ECSCR: variants seen among roughly 807,000 people sequenced by gnomAD.
ECSCR encodes endothelial cell-specific chemotaxis regulator.
ECSCR carries 12 observed loss-of-function variants against 16.7 expected under a neutral mutation model. The observed-to-expected ratio is 0.72, with a 90% CI of 0.46 to 1.17. ECSCR has a LOEUF of 1.17. ECSCR is among the 50% of genes most tolerant of loss of function. The pLI, the probability that ECSCR is intolerant of heterozygous loss-of-function variation, is 0.00. For synonymous variants in ECSCR, 44 were observed against 42.2 expected, an observed-to-expected ratio of 1.04 and a Z score of -0.17; for missense variants, 122 against 116.1, an observed-to-expected ratio of 1.05 and a Z score of -0.23.
intron 8 of ECSCR, among the ~76,000 whole-genome samples, chr5:139,450,871 G>T (rs757403801): frequency 1.3e-5 from 2 of 152,094 alleles, no homozygotes; most frequent in Non-Finnish European, 2.9e-5. Flanking sequence ...CACATAAGAA[G>T]TATTCAATAA....
At chr5:139,460,391 A>C (rs541631061) in intron 1 of ECSCR, among the ~76,000 whole-genome samples, 7 of 152,250 alleles carry the variant, frequency 4.6e-5, no homozygotes, top group African/African-American at 1.7e-4. Flanking sequence ...TCGCCTCAGC[A>C]TCCTAAATGC....
At position 139,448,852 on chromosome 5, in the gene ECSCR, A is replaced by G. The variant is rs577796535; in HGVS notation, c.*48T>C. ...ATTCCATCTCTTCCTCCTTGTAGTC[A>G]CAGGGCAGCTGCATCATCCTTGGAC... On this transcript the variant is annotated 3_prime_UTR_variant, in exon 10 of 10. Coordinates refer to ENST00000618155, the MANE Select transcript of ECSCR (RefSeq NM_001077693.4). 1 of 1,535,376 alleles carries G rather than the reference A, an allele frequency of 6.5e-7. No homozygotes were observed. The highest frequency in any genetic ancestry group is 8.7e-7 in the Non-Finnish European group (1 of 1,146,428).
Position 139,454,910 on chromosome 5 carries a change from G to A in ECSCR, c.390C>T (p.Phe130=). The change falls in exon 7 of 10, where the codon TTC becomes TTT. Residue 130 remains phenylalanine, a synonymous_variant. Transcript: ENST00000618155. ...LTVAAFGVIS[F]IVILVVVVII... ...TCACCACAACCACCAGGATGACAAT[G>A]AAGCTGATAACACCTGAACAGAGAA... The A allele has an allele frequency of 2.5e-6, 1 of 398,732 alleles. No homozygotes were observed. The highest frequency in any genetic ancestry group is 3.6e-5 in the East Asian group (1 of 28,074). 24.7% of individuals were successfully genotyped at this position (398,732 alleles called of 1,614,324 possible).
rs1751201977 is a variant in ECSCR at position 139,458,147 on chromosome 5, C to CT, written c.97dup (p.Ser33LysfsTer29). 2.6e-6 allele frequency: 4 copies of CT among 1,549,698 alleles called. No homozygotes were observed. The East Asian group carries it at 9.8e-5, about 38-fold the overall frequency. On this transcript the variant is annotated frameshift_variant, in exon 2 of 10. Transcript: ENST00000618155. ...CATGTGTTTGGTCTTACCCTGAGAG[C>CT]TAGAGGTCTGGGTCATTGTGGGCTG... is the stretch of plus-strand genomic sequence containing the variant.
In ECSCR at chr5:139,448,763, C is replaced by T; in HGVS notation, c.*137G>A. The T allele has an allele frequency of 6.8e-7, 1 of 1,477,180 alleles. No individual in the cohort carries two copies. The highest frequency in any genetic ancestry group is 8.9e-7 in the Non-Finnish European group (1 of 1,118,966). 91.5% of individuals were successfully genotyped at this position (1,477,180 alleles called of 1,614,324 possible). Reference sequence around the variant, plus strand: ...CCAGATCTGGGGCAATGCTAGTGTCCTTTAGATCTAGAAGCAGACATGAAA... The same window carrying T: ...CCAGATCTGGGGCAATGCTAGTGTCTTTTAGATCTAGAAGCAGACATGAAA... On this transcript the variant is annotated 3_prime_UTR_variant, in exon 10 of 10. Coordinates refer to ENST00000618155, the MANE Select transcript of ECSCR (RefSeq NM_001077693.4).
intron 8 of ECSCR, among the ~76,000 whole-genome samples, chr5:139,451,146 TTGTG>T (rs1025122396): frequency 2.0e-5 from 3 of 146,984 alleles, no homozygotes; most frequent in African/African-American, 5.0e-5. Flanking sequence ...GTGTGAGGTG[TTGTG>T]TGTGTGTGTG....
chr5:139,448,808 T>G lies in ECSCR; in HGVS notation c.*92A>C. ...ATGAAACAATAAAATAATTTACATG[T>G]GGTTCATTGCCTCTACTAATTCCAT... is the stretch of plus-strand genomic sequence containing the variant. On this transcript the variant is annotated 3_prime_UTR_variant, in exon 10 of 10. Coordinates refer to ENST00000618155, the MANE Select transcript of ECSCR (RefSeq NM_001077693.4). 6.6e-7 allele frequency: 1 copy of G among 1,517,940 alleles called. No homozygotes were observed. The highest frequency in any genetic ancestry group is 8.8e-7 in the Non-Finnish European group (1 of 1,139,532). The allele number at this position is 1,517,940 out of a possible 1,614,324, so 94.0% of individuals were successfully genotyped here.
chr5:139,456,602 C>T (rs1751164102), intron 4 of ECSCR, 84 bp from the exon 5 acceptor site: 1 of 397,546 alleles, frequency 2.5e-6, no homozygotes. Flanking sequence ...CCAGTCTTCC[C>T]TGCCTGAGAG....
chr5:139,454,722 C>A (rs1447336572), intron 7 of ECSCR, 84 bp from the exon 8 acceptor site: 3 of 398,240 alleles, frequency 7.5e-6, no homozygotes, highest in Non-Finnish European at 1.3e-5. Flanking sequence ...ACCTGGGGAC[C>A]CTCCGGCTCA....
At chr5:139,449,289 GT>G in intron 8 of ECSCR, 115 bp from the exon 9 acceptor site, 1 of 736,772 alleles carries the variant, frequency 1.4e-6, no homozygotes, top group Middle Eastern at 3.0e-4. Context: ...CTATATTTTG[GT>G]GGTGGATCAT....
Position 139,457,833 on chromosome 5 carries a change from G to A in ECSCR, c.107-26C>T, listed in dbSNP as rs780122088. ...CTGAAACAGAACATCTGAGGCTGAGGGGTGCACCGCCTCCTACTGTTCCAT... is the reference window on the plus strand; with the variant it reads ...CTGAAACAGAACATCTGAGGCTGAGAGGTGCACCGCCTCCTACTGTTCCAT... On this transcript the variant is annotated intron_variant, in intron 2 of 9. Transcript: ENST00000618155. The A allele has an allele frequency of 5.7e-6, 9 of 1,592,124 alleles. No individual in the cohort carries two copies. In the South Asian group the frequency reaches 9.1e-5, roughly 16 times the overall value.
intron 1 of ECSCR, 72 bp downstream of exon 1, chr5:139,462,538 G>A: frequency 3.5e-6 from 5 of 1,443,398 alleles, no homozygotes; most frequent in Non-Finnish European, 4.8e-6. Context: ...TGTCTCCTGA[G>A]AAAGAGACCG....
chr5:139,462,546 C>A, intron 1 of ECSCR, 64 bp downstream of exon 1: 8 of 1,488,496 alleles, frequency 5.4e-6, no homozygotes, highest in Non-Finnish European at 7.4e-6. Flanking sequence ...GAGAAAGAGA[C>A]CGATGCCTAG....
chr5:139,455,814 TAA>T (rs1187505493), intron 5 of ECSCR, among the ~76,000 whole-genome samples: 2 of 49,088 alleles, frequency 4.1e-5, no homozygotes, highest in Non-Finnish European at 7.2e-5. Context: ...CCATCTCTCC[TAA>T]AAAAAAAAAA....
intron 9 of ECSCR, 84 bp from the exon 10 acceptor site, chr5:139,448,992 G>T: frequency 6.5e-7 from 1 of 1,533,992 alleles, no homozygotes; most frequent in Admixed American, 2.0e-5. Context: ...CAGAGTCTTT[G>T]AAAGTATCTC....
At chr5:139,457,829 T>A (rs910232288) in intron 2 of ECSCR, 22 bp from the exon 3 acceptor site, 1 of 1,596,688 alleles carries the variant, frequency 6.3e-7, no homozygotes, top group African/African-American at 1.3e-5. Flanking sequence ...CATCTGAGGC[T>A]GAGGGGTGCA....
rs1229498734 is a variant in ECSCR, at chr5:139,448,721, C to T, written c.*179G>A. 1.1e-5 allele frequency: 16 copies of T among 1,436,076 alleles called. No individual in the cohort carries two copies. Among genetic ancestry groups the T allele is most frequent in the Non-Finnish European group, 1.5e-5 (16 of 1,100,576 alleles). 89.0% of individuals were successfully genotyped at this position (1,436,076 alleles called of 1,614,324 possible). A position where few individuals can be genotyped will look rare whatever the true frequency, so the allele number is the denominator to read the frequency against. On this transcript the variant is annotated 3_prime_UTR_variant, in exon 10 of 10. Transcript: ENST00000618155. ...CTGTCCATACAGGAAAGAGTCTCCC[C>T]TGTTGGTAGCTTGCTCCCAGATCTG... is the stretch of plus-strand genomic sequence containing the variant.
intron 5 of ECSCR, among the ~76,000 whole-genome samples, chr5:139,456,250 A>G (rs1219960131): frequency 3.9e-5 from 6 of 152,106 alleles, no homozygotes; most frequent in Non-Finnish European, 4.4e-5. Context: ...ACGACAGAAC[A>G]AGACTCCTTC....
At chr5:139,457,902 C>T (rs1751195287) in intron 2 of ECSCR, 95 bp from the exon 3 acceptor site, 14 of 1,348,426 alleles carry the variant, frequency 1.0e-5, no homozygotes, top group Non-Finnish European at 1.5e-5. Context: ...TCTCCCTACC[C>T]CATCCCCCAC....
Sources: gnomAD v4.1 joint callset for allele counts (sites outside exome capture counted in the v4.1 genomes callset) on GRCh38, gnomAD v4.1.1 for gene constraint, MANE v1.5 for transcripts, NCBI Gene and HGNC (gene_info 2026-07-23, HGNC 2026-07-21) for gene names.